The following HOXC8 variants were observed in gnomAD, a reference collection of about 807,000 sequenced individuals.
The protein encoded by HOXC8 is homeobox C8.
Under a neutral mutation model 25.8 loss-of-function variants are expected in HOXC8, and 14 were observed. The ratio of observed to expected loss-of-function variants is 0.54; its 90% CI spans 0.36 to 0.85. The LOEUF (loss-of-function observed/expected upper bound fraction) is 0.85. Ranked by LOEUF, HOXC8 falls within the 40% of genes least tolerant of loss-of-function variation. HOXC8 has a pLI of 0.01. For synonymous variants in HOXC8, 144 were observed against 124.6 expected, an observed-to-expected ratio of 1.16 and a Z score of -1.04; for missense variants, 316 against 308.8, an observed-to-expected ratio of 1.02 and a Z score of -0.17.
Position 54,009,786 on chromosome 12 carries a change from T to C in HOXC8, c.436+66T>C. On this transcript the variant is annotated intron_variant, in intron 1 of 1. Transcript: ENST00000040584. This position sits in a 1 kb window ranked among gnomAD's most constrained non-coding sequence, Gnocchi z 5.0. ...CCAGGGTTTCCCCCCCTCCCTCGCCTCCTTTTTGTCTGCCCTCGCTTTTTC... is the reference window on the plus strand; with the variant it reads ...CCAGGGTTTCCCCCCCTCCCTCGCCCCCTTTTTGTCTGCCCTCGCTTTTTC... The C allele has an allele frequency of 7.2e-7, 1 of 1,386,116 alleles. No homozygotes were observed. Among genetic ancestry groups the C allele is most frequent in the Non-Finnish European group, 1.0e-6 (1 of 989,048 alleles). The allele number at this position is 1,386,116 out of a possible 1,614,324, so 85.9% of individuals were successfully genotyped here. A position where few individuals can be genotyped will look rare whatever the true frequency, so the allele number is the denominator to read the frequency against.
rs762880216 is a variant in HOXC8 at position 54,009,689 on chromosome 12, C to T, written c.405C>T (p.Pro135=). The T allele has an allele frequency of 1.9e-6, 3 of 1,614,218 alleles. No homozygotes were observed. The highest frequency in any genetic ancestry group is 1.7e-5 in the Admixed American group (1 of 60,030). The change falls in exon 1 of 2, where the codon CCC becomes CCT. Residue 135 remains proline, a synonymous_variant. Coordinates refer to ENST00000040584, the MANE Select transcript of HOXC8 (RefSeq NM_022658.4). This position sits in a 1 kb window ranked among gnomAD's most constrained non-coding sequence, Gnocchi z 5.0. The part of the protein sequence containing the change: ...GQGHLNQNSS[P]SLMFPWMRPH... ...GCCACTTAAATCAAAACTCGTCTCC[C>T]AGCCTCATGTTTCCATGGATGAGAC... is the stretch of plus-strand genomic sequence containing the variant.
At position 54,009,444 on chromosome 12, in the gene HOXC8, C is replaced by G. The variant is rs1398390999; in HGVS notation, c.160C>G (p.His54Asp). Reference protein sequence around the residue: ...GSAPGFQHASHHVQDFFHHGT... With the variant: ...GSAPGFQHASDHVQDFFHHGT... ...GGCGCCCGGCTTCCAGCACGCTTCG[C>G]ACCACGTTCAAGACTTCTTCCACCA... The change falls in exon 1 of 2, where the codon CAC (histidine) becomes GAC (aspartate). Residue 54 changes from histidine to aspartate, a missense_variant. Transcript: ENST00000040584. This position sits in a 1 kb window ranked among gnomAD's most constrained non-coding sequence, Gnocchi z 5.0. 1.2e-6 allele frequency: 2 copies of G among 1,614,166 alleles called. No individual in the cohort carries two copies. The highest frequency in any genetic ancestry group is 1.7e-6 in the Non-Finnish European group (2 of 1,180,028).
At position 54,009,675 on chromosome 12, in the gene HOXC8, C is replaced by A; in HGVS notation, c.391C>A (p.Gln131Lys). Residue 131 changes from glutamine (Q) to lysine (K), a missense_variant, in exon 1 of 2, where the codon CAA becomes AAA. Coordinates refer to ENST00000040584, the MANE Select transcript of HOXC8 (RefSeq NM_022658.4). This position sits in a 1 kb window ranked among gnomAD's most constrained non-coding sequence, Gnocchi z 5.0. ...TAGCGAAGGACAAGGCCACTTAAAT[C>A]AAAACTCGTCTCCCAGCCTCATGTT... ...NSSEGQGHLNQNSSPSLMFPW... is the reference protein window; with the variant it reads ...NSSEGQGHLNKNSSPSLMFPW... 1 of 1,614,232 alleles carries A rather than the reference C, an allele frequency of 6.2e-7. No individual in the cohort carries two copies. The highest frequency in any genetic ancestry group is 8.5e-7 in the Non-Finnish European group (1 of 1,180,044).
In HOXC8 at chr12:54,009,134, A is replaced by C. The variant is rs2136400960; in HGVS notation, c.-151A>C. Reference sequence around the variant, plus strand: ...GAGCTCAGCACCGAGGCGCCCCCCAACCTGCCCAGCCCCCAGCCCACCAGC... The same window carrying C: ...GAGCTCAGCACCGAGGCGCCCCCCACCCTGCCCAGCCCCCAGCCCACCAGC... On this transcript the variant is annotated 5_prime_UTR_variant, in exon 1 of 2. Transcript: ENST00000040584. The surrounding 1 kb of genome is among the most constrained non-coding windows in gnomAD (Gnocchi z 5.0). 1 of 662,952 alleles carries C rather than the reference A, an allele frequency of 1.5e-6. No individual in the cohort carries two copies. Among genetic ancestry groups the C allele is most frequent in the African/African-American group, 1.8e-5 (1 of 54,076 alleles). The allele number at this position is 662,952 out of a possible 1,614,324, so 41.1% of individuals were successfully genotyped here. A position where few individuals can be genotyped will look rare whatever the true frequency, so the allele number is the denominator to read the frequency against.
At position 54,011,281 on chromosome 12, in the gene HOXC8, A is replaced by G. The variant is rs577774629; in HGVS notation, c.629A>G (p.Lys210Arg). Residue 210 changes from lysine (K) to arginine (R), a missense_variant, in exon 2 of 2, where the codon AAG becomes AGG. Physicochemically the swap from Lys to Arg is conservative, Grantham distance 26. Coordinates refer to ENST00000040584, the MANE Select transcript of HOXC8 (RefSeq NM_022658.4). ...RRMKWKKENN[K>R]DKLPGARDEE... The stretch of plus-strand genomic sequence containing the variant: ...ATGAAGTGGAAAAAGGAGAACAACA[A>G]GGATAAACTGCCGGGAGCCCGAGAT... 33 of 1,593,576 alleles carry G rather than the reference A, an allele frequency of 2.1e-5. No individual in the cohort carries two copies. The South Asian group carries it at 3.5e-4, about 17-fold the overall frequency.
chr12:54,011,349 G>A lies in HOXC8; in HGVS notation c.697G>A (p.Glu233Lys). ...AGAAGGAAATGAGGAAGAGGAGAAA[G>A]AAGAGGAGGAAAAGGAAGAAAACAA... ...EEEGNEEEEKEEEEKEENKD is the reference protein window; with the variant it reads ...EEEGNEEEEKKEEEKEENKD Residue 233 changes from glutamate (E) to lysine (K), a missense_variant, in exon 2 of 2, where the codon GAA (glutamate) becomes AAA (lysine). By Grantham distance (56) the Glu-to-Lys change is moderately conservative. Transcript: ENST00000040584. 3 of 1,469,874 alleles carry A rather than the reference G, an allele frequency of 2.0e-6. No individual in the cohort carries two copies. Among genetic ancestry groups the A allele is most frequent in the African/African-American group, 1.4e-5 (1 of 69,630 alleles). 91.1% of individuals were successfully genotyped at this position (1,469,874 alleles called of 1,614,324 possible).
In HOXC8 at chr12:54,009,563, G is replaced by C; in HGVS notation, c.279G>C (p.Ala93=). 6.2e-7 allele frequency: 1 copy of C among 1,614,190 alleles called. No homozygotes were observed. Among genetic ancestry groups the C allele is most frequent in the East Asian group, 2.2e-5 (1 of 44,872 alleles). ...GDASKFYGYE[A]LPRQSLYGAQ... ...CCTCCAAATTCTATGGCTACGAGGC[G>C]CTCCCCAGACAGTCCCTTTATGGGG... The change falls in exon 1 of 2, where the codon GCG becomes GCC. Residue 93 remains alanine (A), a synonymous_variant. Transcript: ENST00000040584. The surrounding 1 kb of genome is among the most constrained non-coding windows in gnomAD (Gnocchi z 5.0).
In HOXC8 at chr12:54,009,618, C is replaced by G. The variant is rs756914627; in HGVS notation, c.334C>G (p.Pro112Ala). ...AQQEASVVQY[P>A]DCKSSANTNS... is the part of the protein sequence containing the mutation. ...GCAAGAGGCGAGCGTGGTGCAATAT[C>G]CCGACTGTAAATCCTCCGCCAACAC... The change falls in exon 1 of 2, where the codon CCC becomes GCC. Residue 112 changes from proline (P) to alanine (A), a missense_variant. Transcript: ENST00000040584. The surrounding 1 kb of genome is among the most constrained non-coding windows in gnomAD (Gnocchi z 5.0). The G allele has an allele frequency of 1.9e-6, 3 of 1,614,118 alleles. No homozygotes were observed. Among genetic ancestry groups the G allele is most frequent in the Non-Finnish European group, 2.5e-6 (3 of 1,180,052 alleles).
Position 54,009,501 on chromosome 12 carries a change from C to G in HOXC8, c.217C>G (p.Gln73Glu). The G allele has an allele frequency of 6.2e-7, 1 of 1,614,186 alleles. No individual in the cohort carries two copies. Among genetic ancestry groups the G allele is most frequent in the South Asian group, 1.1e-5 (1 of 91,082 alleles). Residue 73 changes from glutamine (Q) to glutamate (E), a missense_variant, in exon 1 of 2, where the codon CAG becomes GAG. Physicochemically the swap from Gln to Glu is conservative, Grantham distance 29. Coordinates refer to ENST00000040584, the MANE Select transcript of HOXC8 (RefSeq NM_022658.4). The surrounding 1 kb of genome is among the most constrained non-coding windows in gnomAD (Gnocchi z 5.0). ...GTSGISNSGYQQNPCSLSCHG... is the reference protein window; with the variant it reads ...GTSGISNSGYEQNPCSLSCHG... ...CTCCGGCATCTCCAACTCAGGCTAC[C>G]AGCAGAACCCGTGCTCGCTTAGCTG...
chr12:54,009,386 G>A lies in HOXC8; in HGVS notation c.102G>A (p.Arg34=). ...YDCRFPQSVG[R]SHALVYGPGG... ...GCCGGTTCCCTCAGAGCGTGGGCAG[G>A]AGCCATGCGCTGGTGTACGGGCCCG... The change falls in exon 1 of 2, where the codon AGG becomes AGA. Residue 34 remains arginine (R), a synonymous_variant. Coordinates refer to ENST00000040584, the MANE Select transcript of HOXC8 (RefSeq NM_022658.4). This position sits in a 1 kb window ranked among gnomAD's most constrained non-coding sequence, Gnocchi z 5.0. 1 of 1,614,024 alleles carries A rather than the reference G, an allele frequency of 6.2e-7. No individual in the cohort carries two copies. The highest frequency in any genetic ancestry group is 1.1e-5 in the South Asian group (1 of 91,066).
rs376707431 is a variant in HOXC8, at chr12:54,009,248, C to T, written c.-37C>T. ...GGTACTGGGCGGGGTACTCGTGAGC[C>T]AGAGGGGAGGGGGCCGCGGGTTTTC... On this transcript the variant is annotated 5_prime_UTR_variant, in exon 1 of 2. Transcript: ENST00000040584. The surrounding 1 kb of genome is among the most constrained non-coding windows in gnomAD (Gnocchi z 5.0). 1.3e-6 allele frequency: 2 copies of T among 1,521,760 alleles called. No individual in the cohort carries two copies. The highest frequency in any genetic ancestry group is 2.8e-5 in the African/African-American group (2 of 72,174). The allele number at this position is 1,521,760 out of a possible 1,614,324, so 94.3% of individuals were successfully genotyped here.
rs548679363 is a variant in HOXC8 at position 54,012,637 on chromosome 12, A to G, written c.*1256A>G. ...AAAATGTTAAAAATATATCTATAATAATAATTTTTTGTCATTTGTCTTTAT... is the reference window on the plus strand; with the variant it reads ...AAAATGTTAAAAATATATCTATAATGATAATTTTTTGTCATTTGTCTTTAT... On this transcript the variant is annotated 3_prime_UTR_variant, in exon 2 of 2. Coordinates refer to ENST00000040584, the MANE Select transcript of HOXC8 (RefSeq NM_022658.4). 2.0e-5 allele frequency among the ~76,000 whole-genome samples: 3 copies of G among 152,352 alleles called. No homozygotes were observed. The highest frequency in any genetic ancestry group is 4.1e-4 in the South Asian group (2 of 4,834).
chr12:54,009,751 C>T lies in HOXC8; in HGVS notation c.436+31C>T. 1 of 1,588,012 alleles carries T rather than the reference C, an allele frequency of 6.3e-7. No homozygotes were observed. Among genetic ancestry groups the T allele is most frequent in the South Asian group, 1.1e-5 (1 of 89,704 alleles). On this transcript the variant is annotated intron_variant, in intron 1 of 1. Transcript: ENST00000040584. This position sits in a 1 kb window ranked among gnomAD's most constrained non-coding sequence, Gnocchi z 5.0. ...AAGCCTTTTCTCTTTCCCCCTTGGT[C>T]TCCCGCGCTCCAGGGTTTCCCCCCC...
intron 1 of HOXC8, 42 bp from the exon 2 acceptor site, chr12:54,011,047 C>A: frequency 6.9e-7 from 1 of 1,444,218 alleles, no homozygotes; most frequent in Non-Finnish European, 9.7e-7. Context: ...AAAACCAAGC[C>A]CCCATCCAAA....
rs1323225234 is a variant in HOXC8 at position 54,012,333 on chromosome 12, TA to T, written c.*957del. On this transcript the variant is annotated 3_prime_UTR_variant, in exon 2 of 2. Coordinates refer to ENST00000040584, the MANE Select transcript of HOXC8 (RefSeq NM_022658.4). ...TATAGGAGAAAAAAAGAGAAAAAAA[TA>T]AAAATCAAAAAAAAAAAAAAGAAAG... 1 of 106,684 alleles carries T rather than the reference TA, an allele frequency of 9.4e-6. No homozygotes were observed. Among genetic ancestry groups the T allele is most frequent in the South Asian group, 2.9e-4 (1 of 3,466 alleles). The allele number at this position is 106,684 out of a possible 1,614,324, so 6.6% of individuals were successfully genotyped here.
chr12:54,011,041 C>T (rs1939980317), intron 1 of HOXC8, 48 bp from the exon 2 acceptor site: 13 of 1,409,314 alleles, frequency 9.2e-6, no homozygotes, highest in Non-Finnish European at 1.3e-5. Context: ...CAAAGGAAAA[C>T]CAAGCCCCCA....
In HOXC8 at chr12:54,009,252, G is replaced by A; in HGVS notation, c.-33G>A. The A allele has an allele frequency of 6.5e-7, 1 of 1,532,622 alleles. No homozygotes were observed. Among genetic ancestry groups the A allele is most frequent in the Non-Finnish European group, 8.8e-7 (1 of 1,133,052 alleles). 94.9% of individuals were successfully genotyped at this position (1,532,622 alleles called of 1,614,324 possible). On this transcript the variant is annotated 5_prime_UTR_variant, in exon 1 of 2. Coordinates refer to ENST00000040584, the MANE Select transcript of HOXC8 (RefSeq NM_022658.4). The surrounding 1 kb of genome is among the most constrained non-coding windows in gnomAD (Gnocchi z 5.0). ...CTGGGCGGGGTACTCGTGAGCCAGA[G>A]GGGAGGGGGCCGCGGGTTTTCATGT...
chr12:54,012,345 A>T lies in HOXC8; in HGVS notation c.*964A>T, dbSNP rs978148491. The T allele has an allele frequency of 6.6e-6, 1 of 151,738 alleles. No individual in the cohort carries two copies. Among genetic ancestry groups the T allele is most frequent in the African/African-American group, 2.4e-5 (1 of 41,212 alleles). 9.4% of individuals were successfully genotyped at this position (151,738 alleles called of 1,614,324 possible). A position where few individuals can be genotyped will look rare whatever the true frequency, so the allele number is the denominator to read the frequency against. Reference sequence around the variant, plus strand: ...AAAGAGAAAAAAATAAAAATCAAAAAAAAAAAAAAGAAAGAAAGAAACCTC... The same window carrying T: ...AAAGAGAAAAAAATAAAAATCAAAATAAAAAAAAAGAAAGAAAGAAACCTC... On this transcript the variant is annotated 3_prime_UTR_variant, in exon 2 of 2. Transcript: ENST00000040584.
Position 54,009,567 on chromosome 12 carries a change from C to T in HOXC8, c.283C>T (p.Pro95Ser). 6.2e-7 allele frequency: 1 copy of T among 1,614,220 alleles called. No individual in the cohort carries two copies. Among genetic ancestry groups the T allele is most frequent in the Non-Finnish European group, 8.5e-7 (1 of 1,180,044 alleles). Reference protein sequence around the residue: ...ASKFYGYEALPRQSLYGAQQE... With the variant: ...ASKFYGYEALSRQSLYGAQQE... ...CAAATTCTATGGCTACGAGGCGCTCCCCAGACAGTCCCTTTATGGGGCTCA... is the reference window on the plus strand; with the variant it reads ...CAAATTCTATGGCTACGAGGCGCTCTCCAGACAGTCCCTTTATGGGGCTCA... Residue 95 changes from proline (P) to serine (S), a missense_variant, in exon 1 of 2, where the codon CCC becomes TCC. Physicochemically the swap from Pro to Ser is moderately conservative, Grantham distance 74. Transcript: ENST00000040584. The surrounding 1 kb of genome is among the most constrained non-coding windows in gnomAD (Gnocchi z 5.0).
Sources: allele counts gnomAD v4.1 joint callset (sites outside exome capture counted in the v4.1 genomes callset), GRCh38; gene constraint gnomAD v4.1.1; non-coding constraint Gnocchi (gnomAD v3.1); transcripts MANE v1.5; gene names NCBI Gene and HGNC (gene_info 2026-07-23, HGNC 2026-07-21).